Variants in TLN2 observed in about 807,000 individuals in gnomAD.
The protein encoded by TLN2 is talin-2.
In TLN2, 118 loss-of-function variants were observed where a neutral mutation model predicts 294.7. The ratio of observed to expected loss-of-function variants is 0.40; its 90% confidence interval spans 0.34 to 0.47. TLN2 has a LOEUF of 0.47. Ranked by LOEUF, TLN2 falls within the 20% of genes least tolerant of loss-of-function variation. The pLI is 0.84. For missense variants in TLN2, 3,083 were observed against 3,282.2 expected (o/e 0.94, Z 1.48); for synonymous variants, 1,431 against 1,304.5 (o/e 1.10, Z -2.09).
intron 28 of TLN2, among the ~76,000 whole-genome samples, chr15:62,730,803 C>G (rs1002381052): frequency 6.6e-6 from 1 of 152,024 alleles, no homozygotes; most frequent in Non-Finnish European, 1.5e-5. Flanking sequence ...GAGGAGTTTC[C>G]CTGCATATTT....
At chr15:62,622,344 G>T (rs1357918517) in intron 3 of TLN2, among the ~76,000 whole-genome samples, 1 of 152,118 alleles carries the variant, frequency 6.6e-6, no homozygotes, top group Non-Finnish European at 1.5e-5. Flanking sequence ...GGGATTTTGT[G>T]GGGGATGGTT....
chr15:62,733,004 A>T (rs1319556583), intron 28 of TLN2, among the ~76,000 whole-genome samples: 2 of 152,214 alleles, frequency 1.3e-5, no homozygotes, highest in Non-Finnish European at 2.9e-5. Context: ...GGGCTGGATG[A>T]TACAGATTTG....
At position 62,725,054 on chromosome 15, in the gene TLN2, G is replaced by T. The variant is rs1047260654; in HGVS notation, c.3205G>T (p.Ala1069Ser). 4 of 1,613,242 alleles carry T rather than the reference G, an allele frequency of 2.5e-6. No homozygotes were observed. Among genetic ancestry groups the T allele is most frequent in the Non-Finnish European group, 3.4e-6 (4 of 1,179,734 alleles). Residue 1069 changes from alanine to serine, a missense_variant, in exon 27 of 59, where the codon GCC (alanine) becomes TCC (serine). By Grantham distance (99) the Ala-to-Ser change is moderately conservative. Coordinates refer to ENST00000636159, the MANE Select transcript of TLN2 (RefSeq NM_015059.3). ...GACGCTTAAGAATGAACTGCAGGAT[G>T]CCAAGATGGCAGCCGTGGAGAGCCA... ...VQTLKNELQD[A>S]KMAAVESQLK...
chr15:62,554,332 C>A (rs189767371), intron 1 of TLN2, among the ~76,000 whole-genome samples: 1 of 148,460 alleles, frequency 6.7e-6, no homozygotes, highest in African/African-American at 2.5e-5. Flanking sequence ...TTTCCTTGAT[C>A]TAGTATGAGG....
At chr15:62,433,421 A>T (rs2035121352) in intron 1 of TLN2, among the ~76,000 whole-genome samples, 1 of 151,948 alleles carries the variant, frequency 6.6e-6, no homozygotes, top group East Asian at 1.9e-4. Flanking sequence ...CAGAGGACAA[A>T]TCCCTGTACC....
At chr15:62,501,779 C>T (rs1023941092) in intron 1 of TLN2, among the ~76,000 whole-genome samples, 1 of 152,182 alleles carries the variant, frequency 6.6e-6, no homozygotes, top group African/African-American at 2.4e-5. Context: ...CTAATGAAGG[C>T]TCACTGGGCT....
chr15:62,498,732 A>T (rs2039148319), intron 1 of TLN2, among the ~76,000 whole-genome samples: 1 of 133,424 alleles, frequency 7.5e-6, no homozygotes, highest in Non-Finnish European at 1.6e-5. Flanking sequence ...GCTTCTTAGG[A>T]GGGTTTTTTT....
At position 62,716,449 on chromosome 15, in the gene TLN2, A is replaced by G. The variant is rs767091695; in HGVS notation, c.2753A>G (p.Asn918Ser). 93 of 1,604,728 alleles carry G rather than the reference A, an allele frequency of 5.8e-5. No homozygotes were observed. The highest frequency in any genetic ancestry group is 7.6e-5 in the Non-Finnish European group (89 of 1,176,192). ...AQNAIKKKIV[N>S]RLEVAAKQAA... ...AATGCTATTAAGAAAAAAATTGTCA[A>G]CCGACTGGAGGTAAGGAAAGAGGCT... The change falls in exon 23 of 59, where the codon AAC becomes AGC. Residue 918 changes from asparagine to serine, a missense_variant. Transcript: ENST00000636159.
At chr15:62,469,323 C>T (rs1287338547) in intron 1 of TLN2, among the ~76,000 whole-genome samples, 1 of 152,192 alleles carries the variant, frequency 6.6e-6, no homozygotes, top group Admixed American at 6.5e-5. Context: ...AGATAGCACA[C>T]ACAGTGAATC....
Position 62,759,038 on chromosome 15 carries a change from C to T in TLN2, c.4639-2643C>T, listed in dbSNP as rs143234603. Among the ~76,000 whole-genome samples, 1,002 of 152,324 alleles carry T rather than the reference C, an allele frequency of 6.6e-3. 15 individuals are homozygous for T. Among genetic ancestry groups the T allele is most frequent in the African/African-American group, 0.023 (936 of 41,574 alleles). ...GGGAACACTTGGAGCAGGCTCCGGGCTTGGGAGTGTTCTTGTTCTGGTGGG... is the reference window on the plus strand; with the variant it reads ...GGGAACACTTGGAGCAGGCTCCGGGTTTGGGAGTGTTCTTGTTCTGGTGGG... On this transcript the variant is annotated intron_variant, in intron 37 of 58. Transcript: ENST00000636159.
intron 40 of TLN2, among the ~76,000 whole-genome samples, chr15:62,764,492 TC>T (rs2062870084): frequency 6.6e-6 from 1 of 152,140 alleles, no homozygotes; most frequent in Non-Finnish European, 1.5e-5. Context: ...ACCTTCACCC[TC>T]CTATTTCCAA....
intron 57 of TLN2, among the ~76,000 whole-genome samples, chr15:62,837,937 G>A (rs1033507718): frequency 6.6e-6 from 1 of 152,228 alleles, no homozygotes; most frequent in African/African-American, 2.4e-5. Flanking sequence ...CTCTGAGGGG[G>A]CGCTGGACAA....
At chr15:62,592,463 C>T (rs1012339619) in intron 2 of TLN2, among the ~76,000 whole-genome samples, 4 of 152,268 alleles carry the variant, frequency 2.6e-5, no homozygotes, top group African/African-American at 9.6e-5. Context: ...ATTCTCTTCC[C>T]TTTTTAGGAA....
intron 1 of TLN2, among the ~76,000 whole-genome samples, chr15:62,573,472 G>A (rs2044099400): frequency 6.6e-6 from 1 of 152,116 alleles, no homozygotes; most frequent in African/African-American, 2.4e-5. Flanking sequence ...GAGCACACAG[G>A]TTCTTCAGGA....
chr15:62,713,929 A>ATATATATATATATATTC (rs368958929), intron 22 of TLN2, among the ~76,000 whole-genome samples: 1 of 125,210 alleles, frequency 8.0e-6, no homozygotes. Context: ...GTGTGTGTGT[A>ATATATATATATATATTC]TGTGTGTGTG....
chr15:62,450,513 GTA>G (rs1491186350), intron 1 of TLN2, among the ~76,000 whole-genome samples: 61 of 60,544 alleles, frequency 1.0e-3, no homozygotes, highest in African/African-American at 2.3e-3. Context: ...CCCCCATCGT[GTA>G]TGTATGTATG....
chr15:62,836,825 A>G (rs551237309), intron 57 of TLN2, among the ~76,000 whole-genome samples: 9 of 152,318 alleles, frequency 5.9e-5, no homozygotes, highest in South Asian at 2.1e-4. Flanking sequence ...ATATAAAATA[A>G]TTTTGTCCAG....
chr15:62,430,455 C>A (rs945460634), intron 1 of TLN2, among the ~76,000 whole-genome samples: 1 of 152,164 alleles, frequency 6.6e-6, no homozygotes, highest in Non-Finnish European at 1.5e-5. Context: ...GTTTTGTTCG[C>A]TAGATGTTTT....
chr15:62,775,439 A>G (rs1428950060), intron 42 of TLN2, among the ~76,000 whole-genome samples: 2 of 152,128 alleles, frequency 1.3e-5, no homozygotes, highest in Admixed American at 6.6e-5. Context: ...TATCAACCCA[A>G]ATTACCACTT....
Sources: allele counts gnomAD v4.1 joint callset (sites outside exome capture counted in the v4.1 genomes callset), GRCh38; gene constraint gnomAD v4.1.1; transcripts MANE v1.5; gene names NCBI Gene and HGNC (gene_info 2026-07-23, HGNC 2026-07-21).